The following THRA variants were observed in gnomAD, a reference collection of about 807,000 sequenced individuals.
THRA encodes thyroid hormone receptor alpha.
A neutral mutation model predicts 45.0 loss-of-function variants in THRA; 13 were observed. The ratio of observed to expected loss-of-function variants is 0.29; its 90% CI spans 0.19 to 0.46. THRA has a LOEUF of 0.46. THRA is among the 20% of genes least tolerant of loss of function. The pLI is 1.00. For synonymous variants in THRA, 195 were observed against 214.0 expected (o/e 0.91, Z 0.78); for missense variants, 278 against 556.1 (o/e 0.50, Z 5.03).
intron 2 of THRA, among the ~76,000 whole-genome samples, chr17:40,076,617 C>T (rs1986962419): frequency 6.6e-6 from 1 of 152,190 alleles, no homozygotes; most frequent in African/African-American, 2.4e-5. Context: ...TTCAGGTCTT[C>T]TGGCGGGTGA....
intron 1 of THRA, chr17:40,068,778 T>C (rs1408942491): frequency 6.6e-6 from 1 of 152,290 alleles, no homozygotes; most frequent in Non-Finnish European, 1.5e-5. Flanking sequence ...GATCGGCTCT[T>C]GGCTCCCAGA....
chr17:40,076,043 G>C (rs1340458048), intron 2 of THRA, among the ~76,000 whole-genome samples: 1 of 152,226 alleles, frequency 6.6e-6, no homozygotes, highest in East Asian at 1.9e-4. Context: ...TATGTAACCT[G>C]TGTGCACCGA....
chr17:40,090,036 G>A lies in THRA; in HGVS notation c.*580G>A. On this transcript the variant is annotated 3_prime_UTR_variant, in exon 9 of 9. Transcript: ENST00000450525. ...GACAAATGAAGAAAAACTAGACAGA[G>A]AGAAAAATACAAAAAAGAGAGAGCG... The A allele has an allele frequency of 1.0e-6, 1 of 986,462 alleles. No individual in the cohort carries two copies. The highest frequency in any genetic ancestry group is 1.2e-6 in the Non-Finnish European group (1 of 830,684). 61.1% of individuals were successfully genotyped at this position (986,462 alleles called of 1,614,324 possible).
At chr17:40,072,756 C>T (rs1199503978) in intron 1 of THRA, among the ~76,000 whole-genome samples, 4 of 152,060 alleles carry the variant, frequency 2.6e-5, no homozygotes, top group African/African-American at 9.7e-5. Context: ...TCCCCACCCA[C>T]TCCTTCTCCT....
intron 4 of THRA, among the ~76,000 whole-genome samples, chr17:40,080,424 A>AC (rs201215532): frequency 1.4e-3 from 203 of 146,554 alleles, no homozygotes; most frequent in African/African-American, 4.6e-3. Flanking sequence ...AAACAAACAA[A>AC]AAAAAAAAAC....
Position 40,083,837 on chromosome 17 carries a change from C to T in THRA, c.225C>T (p.Gly75=). Residue 75 remains glycine (G), a splice_region_variant and synonymous_variant, in exon 5 of 9, where the codon GGC becomes GGT. Coordinates refer to ENST00000450525, the MANE Select transcript of THRA (RefSeq NM_199334.5). ...CTGCTCCATCTCCCCCACCCCAGGGCTTCTTTCGCCGCACAATCCAGAAGA... is the reference window on the plus strand; with the variant it reads ...CTGCTCCATCTCCCCCACCCCAGGGTTTCTTTCGCCGCACAATCCAGAAGA... The part of the protein sequence containing the change: ...YRCITCEGCK[G]FFRRTIQKNL... 1 of 1,603,602 alleles carries T rather than the reference C, an allele frequency of 6.2e-7. No homozygotes were observed. Among genetic ancestry groups the T allele is most frequent in the South Asian group, 1.1e-5 (1 of 89,382 alleles).
At chr17:40,067,607 T>C (rs1986618447) in intron 1 of THRA, among the ~76,000 whole-genome samples, 1 of 152,164 alleles carries the variant, frequency 6.6e-6, no homozygotes, top group Non-Finnish European at 1.5e-5. Flanking sequence ...AGTCTGGTGA[T>C]CAGGATCCCC....
intron 1 of THRA, among the ~76,000 whole-genome samples, chr17:40,067,271 C>G (rs1986608624): frequency 6.6e-6 from 1 of 152,144 alleles, no homozygotes; most frequent in South Asian, 2.1e-4. Flanking sequence ...GCTAGGGGCA[C>G]CTGCATAAAT....
At chr17:40,065,908 C>G (rs568848633) in intron 1 of THRA, among the ~76,000 whole-genome samples, 13 of 152,244 alleles carry the variant, frequency 8.5e-5, no homozygotes, top group South Asian at 2.1e-4. Context: ...AGGCTCCCCC[C>G]ACACTGGCCC....
At chr17:40,074,695 A>G (rs1383178277) in intron 2 of THRA, among the ~76,000 whole-genome samples, 154 bp downstream of exon 2, 1 of 152,218 alleles carries the variant, frequency 6.6e-6, no homozygotes, top group Non-Finnish European at 1.5e-5. Flanking sequence ...AGATGAAGTC[A>G]TGTTCAGATG....
At chr17:40,069,079 C>CCTCCCTCTCTCCCTCCCTCTCTCT (rs1345470349) in intron 1 of THRA, 125 of 150,138 alleles carry the variant, frequency 8.3e-4, no homozygotes, top group African/African-American at 2.9e-3. Context: ...GCGCTCTCTC[C>CCTCCCTCTCTCCCTCCCTCTCTCT]CTCCCTCTCT....
At chr17:40,073,731 C>T (rs139447206) in intron 1 of THRA, among the ~76,000 whole-genome samples, 29 of 152,274 alleles carry the variant, frequency 1.9e-4, no homozygotes, top group Middle Eastern at 3.4e-3. Context: ...CATTCATGCT[C>T]ACTGCGTGCC....
intron 5 of THRA, 89 bp from the exon 6 acceptor site, chr17:40,084,518 AACC>A: frequency 6.8e-7 from 1 of 1,466,788 alleles, no homozygotes; most frequent in Non-Finnish European, 9.4e-7. Context: ...CGGTTTCTCC[AACC>A]TGTACTCTAG....
chr17:40,083,294 C>G (rs1987211303), intron 4 of THRA, among the ~76,000 whole-genome samples: 1 of 151,656 alleles, frequency 6.6e-6, no homozygotes, highest in African/African-American at 2.4e-5. Flanking sequence ...ATCTTGAACT[C>G]CTGACCTCAT....
In THRA at chr17:40,074,304, C is replaced by T. The variant is rs1986875942; in HGVS notation, c.-185C>T. ...CCTGCCACTCCCTGGCCCCTCCCAC[C>T]GCCCGCCCCCCTTGGGGCGCAGGGC... On this transcript the variant is annotated 5_prime_UTR_variant, in exon 2 of 9. Transcript: ENST00000450525. The T allele has an allele frequency of 9.3e-6, 6 of 644,228 alleles. No homozygotes were observed. Among genetic ancestry groups the T allele is most frequent in the South Asian group, 1.9e-5 (1 of 53,848 alleles). 39.9% of individuals were successfully genotyped at this position (644,228 alleles called of 1,614,324 possible).
intron 1 of THRA, among the ~76,000 whole-genome samples, chr17:40,072,773 C>A (rs1466955704): frequency 6.6e-6 from 1 of 152,064 alleles, no homozygotes; most frequent in East Asian, 1.9e-4. Context: ...TCCTCCCCAA[C>A]CTCCACCCCT....
intron 4 of THRA, among the ~76,000 whole-genome samples, chr17:40,079,668 C>G (rs1014799912): frequency 6.6e-6 from 1 of 152,110 alleles, no homozygotes; most frequent in Non-Finnish European, 1.5e-5. Flanking sequence ...GTTACCACAC[C>G]CGGTGGCACT....
At chr17:40,066,006 T>C (rs1986549637) in intron 1 of THRA, among the ~76,000 whole-genome samples, 1 of 152,166 alleles carries the variant, frequency 6.6e-6, no homozygotes, top group Non-Finnish European at 1.5e-5. Flanking sequence ...CACAATGGCC[T>C]TTCTCCACAC....
intron 1 of THRA, among the ~76,000 whole-genome samples, chr17:40,070,161 C>A (rs1484307807): frequency 6.6e-6 from 1 of 152,076 alleles, no homozygotes; most frequent in Non-Finnish European, 1.5e-5. Context: ...CAGAACCTGT[C>A]TCCTGGGGGC....
Sources: gnomAD v4.1 joint callset for allele counts (sites outside exome capture counted in the v4.1 genomes callset) on GRCh38, gnomAD v4.1.1 for gene constraint, MANE v1.5 for transcripts, NCBI Gene and HGNC (gene_info 2026-07-23, HGNC 2026-07-21) for gene names.